Variants in IL22RA1 observed in about 807,000 individuals in gnomAD.
IL22RA1 encodes interleukin 22 receptor subunit alpha 1, also known as interleukin-22 receptor subunit alpha-1.
IL22RA1 carries 25 observed loss-of-function variants against 32.8 expected under a neutral mutation model. The observed-to-expected ratio is 0.76, with a 90% CI of 0.55 to 1.06. The LOEUF is 1.06. Ranked by LOEUF, IL22RA1 falls within the 50% of genes least tolerant of loss-of-function variation. The pLI is 0.00. For synonymous variants in IL22RA1, 305 were observed against 305.0 expected, an observed-to-expected ratio of 1.00 and a Z score of 0.00; for missense variants, 709 against 727.4, an observed-to-expected ratio of 0.97 and a Z score of 0.29.
intron 1 of IL22RA1, among the ~76,000 whole-genome samples, chr1:24,142,382 G>T (rs1362656834): frequency 6.6e-6 from 1 of 152,208 alleles, no homozygotes; most frequent in Non-Finnish European, 1.5e-5. Flanking sequence ...GAGAGTCTAG[G>T]GTCTCATGTA....
intron 6 of IL22RA1, among the ~76,000 whole-genome samples, chr1:24,122,253 G>A (rs1644129575): frequency 6.6e-6 from 1 of 152,196 alleles, no homozygotes; most frequent in Admixed American, 6.5e-5. Context: ...GGTGCCTCAG[G>A]TGGCTCAGCT....
At chr1:24,137,345 T>C in intron 2 of IL22RA1, 36 bp from the exon 3 acceptor site, 3 of 1,600,660 alleles carry the variant, frequency 1.9e-6, no homozygotes, top group South Asian at 1.1e-5. Context: ...ACCGTGGTGA[T>C]GAAAAGGCCA....
At chr1:24,139,129 C>T (rs1644263571) in intron 1 of IL22RA1, among the ~76,000 whole-genome samples, 1 of 152,220 alleles carries the variant, frequency 6.6e-6, no homozygotes, top group Non-Finnish European at 1.5e-5. Flanking sequence ...CATTCTTCTC[C>T]TCCCCTAAAC....
intron 4 of IL22RA1, among the ~76,000 whole-genome samples, chr1:24,130,112 A>G (rs897710202): frequency 3.3e-5 from 5 of 152,174 alleles, no homozygotes; most frequent in African/African-American, 1.2e-4. Flanking sequence ...AAAACCAACT[A>G]CTTAAAAGCA....
intron 1 of IL22RA1, among the ~76,000 whole-genome samples, chr1:24,142,782 G>C (rs964997015): frequency 6.6e-6 from 1 of 152,218 alleles, no homozygotes; most frequent in Non-Finnish European, 1.5e-5. Context: ...CCCCAGTTCA[G>C]ACAGCTGGCT....
Position 24,142,005 on chromosome 1 carries a change from T to G in IL22RA1, c.43+1035A>C, listed in dbSNP as rs1252925827. On this transcript the variant is annotated intron_variant, in intron 1 of 6. Transcript: ENST00000270800. ...CCTTGACAATCTCCTAAGGGCTATT[T>G]CTTGGGGTCCCCCATCTCAAAGGGC... 2.3e-4 allele frequency among the ~76,000 whole-genome samples: 21 copies of G among 89,952 alleles called. 1 individual carries two copies. The Admixed American group carries it at 2.8e-3, about 12-fold the overall frequency. 59.0% of individuals were successfully genotyped at this position (89,952 alleles called of 152,430 possible).
rs758970972 is a variant in IL22RA1 at position 24,137,310 on chromosome 1, C to T, written c.177-1G>A. The T allele has an allele frequency of 1.9e-6, 3 of 1,613,126 alleles. No homozygotes were observed. The highest frequency in any genetic ancestry group is 2.5e-6 in the Non-Finnish European group (3 of 1,179,232). ...TGCCACCCAGTCCCTCTCTCCGTAC[C>T]TGCAGGTCAGGAAGGGGCCAAGTCA... On this transcript the variant is annotated splice_acceptor_variant, in intron 2 of 6. Coordinates refer to ENST00000270800, the MANE Select transcript of IL22RA1 (RefSeq NM_021258.4). LOFTEE classifies it high-confidence loss of function.
intron 6 of IL22RA1, 60 bp from the exon 7 acceptor site, chr1:24,121,797 T>C: frequency 1.5e-6 from 2 of 1,341,974 alleles, no homozygotes; most frequent in South Asian, 1.9e-5. Context: ...AGCTCCCTAC[T>C]GGTGATGTGG....
Position 24,120,646 on chromosome 1 carries a change from A to G in IL22RA1, c.*159T>C. On this transcript the variant is annotated 3_prime_UTR_variant, in exon 7 of 7. Transcript: ENST00000270800. ...CTTTGCTCCGGTGAGGAGCGCACCC[A>G]TGGCAGGGGCCCTGCATGCCACTCC... The G allele has an allele frequency of 1.5e-6, 1 of 684,456 alleles. No homozygotes were observed. The highest frequency in any genetic ancestry group is 2.7e-5 in the East Asian group (1 of 36,734). 42.4% of individuals were successfully genotyped at this position (684,456 alleles called of 1,614,324 possible). A position where few individuals can be genotyped will look rare whatever the true frequency, so the allele number is the denominator to read the frequency against.
intron 1 of IL22RA1, among the ~76,000 whole-genome samples, chr1:24,142,389 T>C (rs923507516): frequency 1.3e-5 from 2 of 152,228 alleles, no homozygotes; most frequent in Non-Finnish European, 2.9e-5. Flanking sequence ...TAGGGTCTCA[T>C]GTAACGTTCT....
chr1:24,122,238 C>A (rs760855284), intron 6 of IL22RA1, among the ~76,000 whole-genome samples: 14 of 152,308 alleles, frequency 9.2e-5, no homozygotes, highest in Admixed American at 6.5e-4. Flanking sequence ...CAAGAGCAGG[C>A]TCCGGGTGCC....
Position 24,128,311 on chromosome 1 carries a change from T to C in IL22RA1, c.532-32A>G, listed in dbSNP as rs200830098. ...TGGACAGAGAATGGAATGTGATTCCTGTTACACACCGATCTCCACATAGAG... is the reference window on the plus strand; with the variant it reads ...TGGACAGAGAATGGAATGTGATTCCCGTTACACACCGATCTCCACATAGAG... On this transcript the variant is annotated intron_variant, in intron 4 of 6. Transcript: ENST00000270800. The C allele has an allele frequency of 4.9e-4, 798 of 1,612,694 alleles. 3 individuals are homozygous for C. Among genetic ancestry groups the C allele is most frequent in the Non-Finnish European group, 2.7e-4 (317 of 1,179,312 alleles).
chr1:24,121,875 T>C (rs1644126662), intron 6 of IL22RA1, 138 bp from the exon 7 acceptor site: 5 of 562,972 alleles, frequency 8.9e-6, no homozygotes, highest in Non-Finnish European at 1.5e-5. Context: ...CATATCCCCA[T>C]CTGCTTCCCA....
At position 24,123,292 on chromosome 1, in the gene IL22RA1, G is replaced by T. The variant is rs577109221; in HGVS notation, c.792+10C>A. Reference sequence around the variant, plus strand: ...GGACCTCTCCCTCCCACCCTGGGGGGATGGCTCACCAGGGAGTTGGGAGGT... The same window carrying T: ...GGACCTCTCCCTCCCACCCTGGGGGTATGGCTCACCAGGGAGTTGGGAGGT... On this transcript the variant is annotated intron_variant, in intron 6 of 6. Coordinates refer to ENST00000270800, the MANE Select transcript of IL22RA1 (RefSeq NM_021258.4). 2 of 1,613,278 alleles carry T rather than the reference G, an allele frequency of 1.2e-6. No individual in the cohort carries two copies. Among genetic ancestry groups the T allele is most frequent in the East Asian group, 2.2e-5 (1 of 44,890 alleles).
At chr1:24,137,101 C>G in intron 3 of IL22RA1, 30 bp downstream of exon 3, 2 of 1,594,508 alleles carry the variant, frequency 1.3e-6, no homozygotes, top group Non-Finnish European at 1.7e-6. Flanking sequence ...CCTCTTCCCT[C>G]CCCTGAAACC....
At chr1:24,138,486 GTGGGGACA>G in intron 2 of IL22RA1, 88 bp downstream of exon 2, 1 of 1,380,220 alleles carries the variant, frequency 7.2e-7, no homozygotes, top group Non-Finnish European at 1.0e-6. Context: ...ACCAGTCCTG[GTGGGGACA>G]TGGGAACATA....
chr1:24,126,635 T>A (rs1195310417), intron 5 of IL22RA1, among the ~76,000 whole-genome samples: 1 of 152,168 alleles, frequency 6.6e-6, no homozygotes. Flanking sequence ...GTTGGCATGG[T>A]TGGAACTGAA....
chr1:24,142,199 C>T (rs1043582397), intron 1 of IL22RA1, among the ~76,000 whole-genome samples: 5 of 152,194 alleles, frequency 3.3e-5, no homozygotes, highest in African/African-American at 4.8e-5. Context: ...GCAGCCCTGG[C>T]GGGACAGTGG....
chr1:24,123,548 C>A, intron 5 of IL22RA1, 125 bp from the exon 6 acceptor site: 1 of 1,503,740 alleles, frequency 6.7e-7, no homozygotes, highest in Non-Finnish European at 8.9e-7. Flanking sequence ...CCTCTCCTAC[C>A]GTCAGAATGC....
Sources: allele counts gnomAD v4.1 joint callset (sites outside exome capture counted in the v4.1 genomes callset), GRCh38; gene constraint gnomAD v4.1.1; transcripts MANE v1.5; gene names NCBI Gene and HGNC (gene_info 2026-07-23, HGNC 2026-07-21).